AFF4: variants seen among roughly 807,000 people sequenced by gnomAD.
AFF4 encodes ALF transcription elongation factor 4, also known as AF4/FMR2 family member 4.
Under a neutral mutation model 124.8 loss-of-function variants are expected in AFF4, and 13 were observed. That is an observed-to-expected ratio of 0.10 (90% CI 0.07 to 0.17). The LOEUF is 0.17. Among genes scored for constraint, AFF4 ranks in the 10% least tolerant of loss-of-function variants. AFF4 has a pLI of 1.00. For missense variants in AFF4, 1,092 were observed against 1,403.8 expected (o/e 0.78, Z 3.55); for synonymous variants, 477 against 496.1 (o/e 0.96, Z 0.51).
At chr5:132,939,508 G>C (rs975966928) in intron 1 of AFF4, among the ~76,000 whole-genome samples, 1 of 152,172 alleles carries the variant, frequency 6.6e-6, no homozygotes, top group African/African-American at 2.4e-5. Flanking sequence ...TAGGCCTCTT[G>C]GGCTATGGTT....
intron 1 of AFF4, among the ~76,000 whole-genome samples, chr5:132,956,633 G>GA (rs745801334): frequency 0.08 from 7,526 of 94,414 alleles, 476 homozygotes; most frequent in East Asian, 0.3. Flanking sequence ...CTCCATCTCA[G>GA]AAAAAAAAAA....
chr5:132,884,306 C>T (rs1405641306), intron 19 of AFF4, among the ~76,000 whole-genome samples: 2 of 152,164 alleles, frequency 1.3e-5, no homozygotes, highest in Non-Finnish European at 2.9e-5. Context: ...GGCATGACCT[C>T]GACTTACTGC....
intron 4 of AFF4, among the ~76,000 whole-genome samples, chr5:132,928,684 T>G (rs1222305919): frequency 1.3e-5 from 2 of 152,156 alleles, no homozygotes; most frequent in Non-Finnish European, 2.9e-5. Flanking sequence ...CACCAGACAT[T>G]AAAATGAGAA....
intron 11 of AFF4, among the ~76,000 whole-genome samples, chr5:132,893,506 TTTTATTTATTTAGTTA>T (rs1379625448): frequency 3.3e-5 from 5 of 152,206 alleles, no homozygotes; most frequent in Non-Finnish European, 7.3e-5. Context: ...GAAATTTTAA[TTTTATTTATTTAGTTA>T]TTTATTTATT....
intron 5 of AFF4, among the ~76,000 whole-genome samples, chr5:132,913,035 T>A (rs1378348376): frequency 6.6e-6 from 1 of 152,152 alleles, no homozygotes; most frequent in Non-Finnish European, 1.5e-5. Flanking sequence ...AATCATATAC[T>A]ACCTACAAGA....
At position 132,954,546 on chromosome 5, in the gene AFF4, CT is replaced by C. The variant is rs1204231856; in HGVS notation, c.-5+8712del. Among the ~76,000 whole-genome samples the C allele has an allele frequency of 2.5e-3, 309 of 122,128 alleles. 1 individual carries two copies. The highest frequency in any genetic ancestry group is 7.1e-3 in the African/African-American group (226 of 31,828). The allele number at this position is 122,128 out of a possible 152,430, so 80.1% of individuals were successfully genotyped here. On this transcript the variant is annotated intron_variant, in intron 1 of 20. Transcript: ENST00000265343. ...GAGGGTGTGTGTTACAAACAATGCT[CT>C]TTTTTTTTTTTTTTTTTTGAGACGG... is the stretch of plus-strand genomic sequence containing the variant.
chr5:132,924,441 T>C (rs1761123210), intron 5 of AFF4, among the ~76,000 whole-genome samples: 1 of 152,110 alleles, frequency 6.6e-6, no homozygotes, highest in Non-Finnish European at 1.5e-5. Context: ...AGAAATTGCA[T>C]AGGGACAGTG....
At chr5:132,892,023 A>C (rs1264642882) in intron 13 of AFF4, 141 bp downstream of exon 13, 4 of 1,246,442 alleles carry the variant, frequency 3.2e-6, no homozygotes, top group Non-Finnish European at 4.5e-6. Context: ...ATTTATCAGG[A>C]TTATTACATA....
At chr5:132,898,092 C>CTGT in intron 10 of AFF4, 138 bp downstream of exon 10, 1 of 1,121,098 alleles carries the variant, frequency 8.9e-7, no homozygotes. Context: ...TTTCCTCCAA[C>CTGT]GTACACAGTA....
At chr5:132,919,677 C>T (rs1760993974) in intron 5 of AFF4, among the ~76,000 whole-genome samples, 1 of 152,068 alleles carries the variant, frequency 6.6e-6, no homozygotes, top group Admixed American at 6.6e-5. Context: ...TGGCAAAACC[C>T]CATCTCTACT....
At chr5:132,955,175 C>G (rs887197949) in intron 1 of AFF4, among the ~76,000 whole-genome samples, 2 of 152,200 alleles carry the variant, frequency 1.3e-5, no homozygotes, top group African/African-American at 4.8e-5. Flanking sequence ...TGCTTCTTCT[C>G]TTCTCTCCTC....
At chr5:132,895,176 T>C (rs1419842028) in intron 11 of AFF4, among the ~76,000 whole-genome samples, 1 of 152,036 alleles carries the variant, frequency 6.6e-6, no homozygotes, top group East Asian at 1.9e-4. Context: ...AACAGCTTAC[T>C]AGTTGAGCAA....
chr5:132,924,401 A>T (rs1433996322), intron 5 of AFF4, among the ~76,000 whole-genome samples: 1 of 152,248 alleles, frequency 6.6e-6, no homozygotes, highest in African/African-American at 2.4e-5. Context: ...AGAAAAAGCA[A>T]AACTTATCTA....
At position 132,877,401 on chromosome 5, in the gene AFF4, T is replaced by C. The variant is rs1581261841; in HGVS notation, c.*3658A>G. 4.6e-6 allele frequency: 1 copy of C among 217,302 alleles called. No homozygotes were observed. 13.5% of individuals were successfully genotyped at this position (217,302 alleles called of 1,614,324 possible). On this transcript the variant is annotated 3_prime_UTR_variant, in exon 21 of 21. Transcript: ENST00000265343. Reference sequence around the variant, plus strand: ...TACACATTGCACCCTTGAACATTAATATTCAAGGTGTCAACAAGAAAGTGT... The same window carrying C: ...TACACATTGCACCCTTGAACATTAACATTCAAGGTGTCAACAAGAAAGTGT...
intron 10 of AFF4, among the ~76,000 whole-genome samples, chr5:132,897,954 C>T (rs537324745): frequency 3.7e-4 from 57 of 152,246 alleles, no homozygotes; most frequent in African/African-American, 1.4e-3. Flanking sequence ...CACAGAACAT[C>T]AATTACCATG....
At chr5:132,890,772 A>G (rs902141791) in intron 13 of AFF4, among the ~76,000 whole-genome samples, 1 of 152,192 alleles carries the variant, frequency 6.6e-6, no homozygotes, top group Admixed American at 6.5e-5. Flanking sequence ...TGAAAACAAC[A>G]GAGTACCAAA....
At chr5:132,918,783 T>C (rs371309737) in intron 5 of AFF4, among the ~76,000 whole-genome samples, 3 of 152,158 alleles carry the variant, frequency 2.0e-5, no homozygotes, top group Non-Finnish European at 2.9e-5. Context: ...AGATTCAATA[T>C]TGCTAAGACG....
Position 132,883,284 on chromosome 5 carries a change from A to C in AFF4, c.3364+56T>G. ...GACTAAACGCTTACTTAACTAAATTATAAAAGTTCCTTCTAACAATTCCAT... is the reference window on the plus strand; with the variant it reads ...GACTAAACGCTTACTTAACTAAATTCTAAAAGTTCCTTCTAACAATTCCAT... On this transcript the variant is annotated intron_variant, in intron 20 of 20. Transcript: ENST00000265343. 4 of 1,523,344 alleles carry C rather than the reference A, an allele frequency of 2.6e-6. No individual in the cohort carries two copies. The South Asian group carries it at 4.6e-5, about 17-fold the overall frequency. The allele number at this position is 1,523,344 out of a possible 1,614,324, so 94.4% of individuals were successfully genotyped here.
intron 18 of AFF4, 127 bp from the exon 19 acceptor site, chr5:132,885,246 A>C: frequency 2.1e-6 from 1 of 468,308 alleles, no homozygotes; most frequent in Non-Finnish European, 3.5e-6. Context: ...AGACACCAAA[A>C]TACGTGTGTG....
Sources: gnomAD v4.1 joint callset for allele counts (sites outside exome capture counted in the v4.1 genomes callset) on GRCh38, gnomAD v4.1.1 for gene constraint, MANE v1.5 for transcripts, NCBI Gene and HGNC (gene_info 2026-07-23, HGNC 2026-07-21) for gene names.